Variants in EPHA6 observed in about 807,000 individuals in gnomAD.
EPHA6 encodes the protein EPH receptor A6, also known as ephrin type-A receptor 6.
In EPHA6, 50 loss-of-function variants were observed where a neutral mutation model predicts 112.0. The ratio of observed to expected loss-of-function variants is 0.45; its 90% CI spans 0.36 to 0.56. The LOEUF is 0.56. Ranked by LOEUF, EPHA6 falls within the 20% of genes least tolerant of loss-of-function variation. The pLI is 0.00. For synonymous variants in EPHA6, 529 were observed against 490.7 expected (o/e 1.08, Z -1.03); for missense variants, 1,280 against 1,417.4 (o/e 0.90, Z 1.56).
At chr3:96,932,682 A>G (rs983458708) in intron 2 of EPHA6, among the ~76,000 whole-genome samples, 1 of 152,178 alleles carries the variant, frequency 6.6e-6, no homozygotes, top group Non-Finnish European at 1.5e-5. Context: ...AAGCAGGTTT[A>G]TTTGGAAAGC....
Position 96,852,037 on chromosome 3 carries a change from A to G in EPHA6, c.386-14788A>G, listed in dbSNP as rs551935506. 1.2e-4 allele frequency among the ~76,000 whole-genome samples: 19 copies of G among 152,254 alleles called. No homozygotes were observed. The East Asian group carries it at 1.9e-3, about 15-fold the overall frequency. On this transcript the variant is annotated intron_variant, in intron 1 of 17. Coordinates refer to ENST00000389672, the MANE Select transcript of EPHA6 (RefSeq NM_001080448.3). The stretch of plus-strand genomic sequence containing the variant: ...TGTGTTTTGTTTTTTTGAATTGACC[A>G]GATGTTTTAGCTCAGTTTCATCATT...
At chr3:96,933,529 T>C (rs16837014) in intron 2 of EPHA6, among the ~76,000 whole-genome samples, 2,036 of 152,256 alleles carry the variant, frequency 0.013, 46 homozygotes, top group African/African-American at 0.044. Context: ...CTAACTCTAC[T>C]TTGATTTCCA....
chr3:97,448,439 C>A (rs770200612), intron 6 of EPHA6, 129 bp from the exon 7 acceptor site: 37 of 947,806 alleles, frequency 3.9e-5, no homozygotes, highest in Middle Eastern at 4.6e-4. Flanking sequence ...GAAAACCATG[C>A]TAACACTACT....
intron 5 of EPHA6, among the ~76,000 whole-genome samples, chr3:97,260,783 G>A (rs932116166): frequency 1.2e-4 from 18 of 152,134 alleles, no homozygotes; most frequent in Non-Finnish European, 1.9e-4. Context: ...TTATAAAACC[G>A]TTTTTCATTG....
At chr3:97,471,259 T>A (rs750619895) in intron 7 of EPHA6, among the ~76,000 whole-genome samples, 18 of 151,750 alleles carry the variant, frequency 1.2e-4, no homozygotes, top group Non-Finnish European at 2.1e-4. Flanking sequence ...TTTCCCAAAT[T>A]CCCTGTCAGC....
intron 2 of EPHA6, among the ~76,000 whole-genome samples, chr3:96,883,460 T>C (rs1259463086): frequency 6.6e-6 from 1 of 152,218 alleles, no homozygotes; most frequent in Non-Finnish European, 1.5e-5. Flanking sequence ...TGCATTTGCT[T>C]TTGGGTTCAT....
intron 1 of EPHA6, among the ~76,000 whole-genome samples, chr3:96,850,113 T>G (rs2035295271): frequency 6.6e-6 from 1 of 152,136 alleles, no homozygotes; most frequent in Non-Finnish European, 1.5e-5. Context: ...ATGTCCAGTT[T>G]CAACTATTGT....
intron 3 of EPHA6, among the ~76,000 whole-genome samples, chr3:97,148,099 C>A (rs2076086659): frequency 6.6e-6 from 1 of 151,942 alleles, no homozygotes; most frequent in African/African-American, 2.4e-5. Flanking sequence ...TTATTGTTAA[C>A]ACAGCATAAT....
At chr3:97,740,878 G>A (rs890116494) in intron 16 of EPHA6, among the ~76,000 whole-genome samples, 7 of 152,002 alleles carry the variant, frequency 4.6e-5, no homozygotes, top group Admixed American at 4.6e-4. Context: ...CCAAGTCATA[G>A]ACAACTTTTT....
intron 2 of EPHA6, among the ~76,000 whole-genome samples, chr3:96,917,310 A>G (rs978520505): frequency 5.3e-5 from 8 of 150,260 alleles, no homozygotes; most frequent in African/African-American, 1.7e-4. Context: ...AGTCCCAGCT[A>G]CTCAGGAGGC....
At chr3:97,718,811 T>C (rs970052452) in intron 14 of EPHA6, among the ~76,000 whole-genome samples, 1 of 152,170 alleles carries the variant, frequency 6.6e-6, no homozygotes, top group Non-Finnish European at 1.5e-5. Flanking sequence ...AGAATCCCTG[T>C]GCTTAAGTAT....
At chr3:97,516,500 A>C (rs2092450529) in intron 10 of EPHA6, among the ~76,000 whole-genome samples, 1 of 152,230 alleles carries the variant, frequency 6.6e-6, no homozygotes, top group Admixed American at 6.5e-5. Flanking sequence ...GACAGAATTC[A>C]TCATGAGAAT....
chr3:97,433,621 A>G (rs1342222606), intron 6 of EPHA6, among the ~76,000 whole-genome samples: 1 of 152,218 alleles, frequency 6.6e-6, no homozygotes, highest in Non-Finnish European at 1.5e-5. Context: ...TGTACCTTGC[A>G]GGGAAAGAAG....
chr3:97,528,749 T>C (rs922710632), intron 10 of EPHA6, among the ~76,000 whole-genome samples: 2 of 152,198 alleles, frequency 1.3e-5, no homozygotes, highest in Non-Finnish European at 2.9e-5. Flanking sequence ...ATATAGACTT[T>C]ATATGAAAAT....
chr3:97,676,703 G>C (rs903513807), intron 14 of EPHA6, among the ~76,000 whole-genome samples: 8 of 152,186 alleles, frequency 5.3e-5, no homozygotes, highest in African/African-American at 1.4e-4. Flanking sequence ...ATAGTGCACA[G>C]TTGGAATGAT....
intron 3 of EPHA6, among the ~76,000 whole-genome samples, chr3:97,200,443 T>C (rs1349678820): frequency 1.3e-5 from 2 of 152,122 alleles, no homozygotes; most frequent in Non-Finnish European, 2.9e-5. Context: ...TGATTGACTA[T>C]ATGAGATAGT....
intron 11 of EPHA6, among the ~76,000 whole-genome samples, chr3:97,562,730 G>C (rs974299951): frequency 6.6e-6 from 1 of 152,132 alleles, no homozygotes; most frequent in Non-Finnish European, 1.5e-5. Flanking sequence ...AAACAGCATT[G>C]ATGGTTCAAA....
At chr3:97,731,266 C>T (rs1003585572) in intron 15 of EPHA6, among the ~76,000 whole-genome samples, 1 of 152,058 alleles carries the variant, frequency 6.6e-6, no homozygotes, top group Non-Finnish European at 1.5e-5. Context: ...TGGCAGTACC[C>T]TTCCTAAAGG....
chr3:97,258,121 A>G (rs1175547228), intron 5 of EPHA6, among the ~76,000 whole-genome samples: 1 of 152,088 alleles, frequency 6.6e-6, no homozygotes, highest in East Asian at 1.9e-4. Context: ...TTGTATGTCA[A>G]TATTTTCTAT....
Sources: allele counts gnomAD v4.1 joint callset (sites outside exome capture counted in the v4.1 genomes callset), GRCh38; gene constraint gnomAD v4.1.1; transcripts MANE v1.5; gene names NCBI Gene and HGNC (gene_info 2026-07-23, HGNC 2026-07-21).